Variants in SLC25A21 observed in about 807,000 individuals in gnomAD.
SLC25A21 encodes mitochondrial 2-oxodicarboxylate carrier.
In SLC25A21, 47 loss-of-function variants were observed where a neutral mutation model predicts 43.8. The ratio of observed to expected loss-of-function variants is 1.07; its 90% CI spans 0.85 to 1.37. The LOEUF (loss-of-function observed/expected upper bound fraction) is 1.37. SLC25A21 is among the 40% of genes most tolerant of loss of function. The probability of loss-of-function intolerance (pLI) is 0.00; values close to 1 mark genes in which losing one functional copy is unlikely to be tolerated. For synonymous variants in SLC25A21, 131 were observed against 121.3 expected (o/e 1.08, Z -0.52); for missense variants, 352 against 350.2 (o/e 1.00, Z -0.04).
At chr14:36,777,156 G>T (rs887974180) in intron 3 of SLC25A21, among the ~76,000 whole-genome samples, 1 of 152,166 alleles carries the variant, frequency 6.6e-6, no homozygotes, top group Non-Finnish European at 1.5e-5. Context: ...TACTTGGGAG[G>T]CTGAGGCAGG....
chr14:37,011,303 C>T (rs1397927737), intron 1 of SLC25A21, among the ~76,000 whole-genome samples: 3 of 152,192 alleles, frequency 2.0e-5, no homozygotes, highest in Non-Finnish European at 4.4e-5. Flanking sequence ...AGCCACCACA[C>T]CTGACCTAAA....
At position 36,975,256 on chromosome 14, in the gene SLC25A21, C is replaced by T. The variant is rs186355425; in HGVS notation, c.71-100252G>A. 1.4e-4 allele frequency among the ~76,000 whole-genome samples: 21 copies of T among 152,272 alleles called. No individual in the cohort carries two copies. The East Asian group carries it at 4.1e-3, about 29-fold the overall frequency. On this transcript the variant is annotated intron_variant, in intron 1 of 9. Transcript: ENST00000331299. ...AGCACTGTGGATGACCAAAGGTTAC[C>T]TATAATGAAACAGTCATTGATGGGC...
chr14:36,876,896 T>TACAGATAG (rs1555333940), intron 1 of SLC25A21, among the ~76,000 whole-genome samples: 2 of 138,362 alleles, frequency 1.4e-5, no homozygotes, highest in Admixed American at 7.5e-5. Flanking sequence ...ATGATGGGAT[T>TACAGATAG]ATAGATAGAT....
intron 1 of SLC25A21, among the ~76,000 whole-genome samples, chr14:36,967,857 T>TGTGC (rs1275339984): frequency 6.6e-6 from 1 of 152,070 alleles, no homozygotes; most frequent in African/African-American, 2.4e-5. Context: ...TGTCTGTGTG[T>TGTGC]GTGCGTGTGG....
At chr14:37,088,121 A>C (rs1425757690) in intron 1 of SLC25A21, among the ~76,000 whole-genome samples, 1 of 152,226 alleles carries the variant, frequency 6.6e-6, no homozygotes, top group Non-Finnish European at 1.5e-5. Flanking sequence ...ATGTATTTAC[A>C]ATCAAATGTT....
At chr14:37,110,287 T>G (rs1178733511) in intron 1 of SLC25A21, among the ~76,000 whole-genome samples, 1 of 152,162 alleles carries the variant, frequency 6.6e-6, no homozygotes, top group Non-Finnish European at 1.5e-5. Context: ...CTTGAGCACT[T>G]GCTTCATTAT....
intron 7 of SLC25A21, among the ~76,000 whole-genome samples, chr14:36,701,286 C>T (rs149464653): frequency 1.3e-5 from 2 of 152,082 alleles, no homozygotes; most frequent in Admixed American, 6.6e-5. Context: ...TCTCTTCATG[C>T]GAGATAATTT....
intron 1 of SLC25A21, among the ~76,000 whole-genome samples, chr14:36,972,089 T>C (rs1959764337): frequency 6.6e-6 from 1 of 152,210 alleles, no homozygotes; most frequent in African/African-American, 2.4e-5. Context: ...ATTGTACCTT[T>C]TCTAGGTTTA....
At chr14:36,928,952 C>T (rs1364412377) in intron 1 of SLC25A21, among the ~76,000 whole-genome samples, 1 of 152,062 alleles carries the variant, frequency 6.6e-6, no homozygotes, top group African/African-American at 2.4e-5. Context: ...TAAAAAACTA[C>T]ACATAGAAAA....
chr14:36,681,183 CAT>C (rs1330770490), intron 9 of SLC25A21, among the ~76,000 whole-genome samples: 1 of 152,126 alleles, frequency 6.6e-6, no homozygotes, highest in Non-Finnish European at 1.5e-5. Flanking sequence ...AGTTTTCTGT[CAT>C]AGCTTTCAAA....
intron 1 of SLC25A21, among the ~76,000 whole-genome samples, chr14:36,925,778 C>T (rs1353093187): frequency 6.6e-6 from 1 of 152,068 alleles, no homozygotes; most frequent in African/African-American, 2.4e-5. Flanking sequence ...ACCCAGGGGG[C>T]AGAGGTTGTA....
At chr14:36,693,610 A>C (rs923936490) in intron 7 of SLC25A21, among the ~76,000 whole-genome samples, 2 of 152,162 alleles carry the variant, frequency 1.3e-5, no homozygotes, top group African/African-American at 4.8e-5. Flanking sequence ...AGATTTATAC[A>C]TATCACATAT....
At chr14:36,909,444 T>G (rs1389819479) in intron 1 of SLC25A21, among the ~76,000 whole-genome samples, 2 of 152,186 alleles carry the variant, frequency 1.3e-5, no homozygotes, top group South Asian at 2.1e-4. Flanking sequence ...GTAAAGCGTA[T>G]TCAACTGCAC....
chr14:36,758,147 C>A (rs948001418), intron 3 of SLC25A21, among the ~76,000 whole-genome samples: 3 of 152,216 alleles, frequency 2.0e-5, no homozygotes, highest in African/African-American at 7.2e-5. Flanking sequence ...TGGCTCAGAC[C>A]TCACCAACAG....
At chr14:37,031,260 T>C (rs1023245045) in intron 1 of SLC25A21, among the ~76,000 whole-genome samples, 2 of 152,218 alleles carry the variant, frequency 1.3e-5, no homozygotes, top group African/African-American at 4.8e-5. Context: ...GTTTACACCC[T>C]TGCAGTCAAC....
intron 1 of SLC25A21, among the ~76,000 whole-genome samples, chr14:37,135,971 T>C (rs1053515582): frequency 6.6e-6 from 1 of 152,224 alleles, no homozygotes; most frequent in Non-Finnish European, 1.5e-5. Flanking sequence ...ACTTATATAG[T>C]GATAGTTCAG....
At chr14:36,825,302 T>A (rs926221033) in intron 2 of SLC25A21, among the ~76,000 whole-genome samples, 1 of 152,200 alleles carries the variant, frequency 6.6e-6, no homozygotes, top group East Asian at 1.9e-4. Context: ...ATGCCTTTAA[T>A]AATAAACATT....
chr14:36,819,588 A>G (rs1206973029), intron 2 of SLC25A21, among the ~76,000 whole-genome samples: 1 of 152,180 alleles, frequency 6.6e-6, no homozygotes, highest in African/African-American at 2.4e-5. Flanking sequence ...TGCTGCCTTA[A>G]AAGTCTCAAG....
At chr14:37,136,365 G>T (rs1053747131) in intron 1 of SLC25A21, among the ~76,000 whole-genome samples, 2 of 152,078 alleles carry the variant, frequency 1.3e-5, no homozygotes, top group African/African-American at 4.8e-5. Flanking sequence ...CACAGAGAAA[G>T]AAACAGAAAA....
Sources: gnomAD v4.1 joint callset for allele counts (sites outside exome capture counted in the v4.1 genomes callset) on GRCh38, gnomAD v4.1.1 for gene constraint, MANE v1.5 for transcripts, NCBI Gene and HGNC (gene_info 2026-07-23, HGNC 2026-07-21) for gene names.